Variants in ERBB4 observed in about 807,000 individuals in gnomAD.
ERBB4 encodes erb-b2 receptor tyrosine kinase 4, also known as receptor tyrosine-protein kinase erbB-4.
A neutral mutation model predicts 158.0 loss-of-function variants in ERBB4; 42 were observed. The ratio of observed to expected loss-of-function variants is 0.27; its 90% CI spans 0.21 to 0.34. ERBB4 has a LOEUF of 0.34. Ranked by LOEUF, ERBB4 falls within the 10% of genes least tolerant of loss-of-function variation. The probability of loss-of-function intolerance (pLI) is 1.00; values close to 1 mark genes in which losing one functional copy is unlikely to be tolerated. For synonymous variants in ERBB4, 583 were observed against 558.7 expected (o/e 1.04, Z -0.61); for missense variants, 1,333 against 1,624.1 (o/e 0.82, Z 3.08).
At chr2:211,590,586 C>T (rs2068430867) in intron 19 of ERBB4, among the ~76,000 whole-genome samples, 2 of 152,064 alleles carry the variant, frequency 1.3e-5, no homozygotes, top group Non-Finnish European at 1.5e-5. Flanking sequence ...ATTTCACCTT[C>T]GACCCAAACA....
chr2:211,762,091 T>A lies in ERBB4; in HGVS notation c.557-11387A>T, dbSNP rs975326443. ...GTAATAAGCAGTAATCAATGTTAGT[T>A]CCCTTTTTCTTCCATCGCAACACAT... On this transcript the variant is annotated intron_variant, in intron 4 of 27. Coordinates refer to ENST00000342788, the MANE Select transcript of ERBB4 (RefSeq NM_005235.3). Among the ~76,000 whole-genome samples, 6 of 152,210 alleles carry A rather than the reference T, an allele frequency of 3.9e-5. No homozygotes were observed. The East Asian group carries it at 1.2e-3, about 29-fold the overall frequency.
chr2:212,382,390 T>C (rs565902397), intron 1 of ERBB4, among the ~76,000 whole-genome samples: 34 of 150,908 alleles, frequency 2.3e-4, no homozygotes, highest in Non-Finnish European at 4.0e-4. Context: ...GTGAACTCTA[T>C]GTAAAAATGT....
At chr2:212,185,258 T>C (rs189590239) in intron 1 of ERBB4, among the ~76,000 whole-genome samples, 13 of 151,870 alleles carry the variant, frequency 8.6e-5, no homozygotes, top group South Asian at 2.1e-4. Context: ...CTGGCCTCAA[T>C]TGATCTGCTG....
At chr2:211,817,887 C>T (rs1172713364) in intron 3 of ERBB4, among the ~76,000 whole-genome samples, 1 of 152,160 alleles carries the variant, frequency 6.6e-6, no homozygotes, top group African/African-American at 2.4e-5. Context: ...GAATTTGGGA[C>T]CCCAACATTG....
intron 7 of ERBB4, among the ~76,000 whole-genome samples, chr2:211,718,718 A>G (rs2074001521): frequency 6.6e-6 from 1 of 151,386 alleles, no homozygotes; most frequent in African/African-American, 2.5e-5. Flanking sequence ...ACACATAAAT[A>G]TATAAAACTA....
rs189277703 is a variant in ERBB4 at position 211,380,995 on chromosome 2, C to T, written c.*2620G>A. On this transcript the variant is annotated 3_prime_UTR_variant, in exon 28 of 28. Transcript: ENST00000342788. Reference sequence around the variant, plus strand: ...ATCCAAAAAGAGGGCTGTGATGACTCGATGCAGATTTATTTAGAAAGGGAG... The same window carrying T: ...ATCCAAAAAGAGGGCTGTGATGACTTGATGCAGATTTATTTAGAAAGGGAG... 4.2e-4 allele frequency: 97 copies of T among 232,144 alleles called. No homozygotes were observed. The highest frequency in any genetic ancestry group is 1.1e-4 in the Admixed American group (2 of 17,738). 14.4% of individuals were successfully genotyped at this position (232,144 alleles called of 1,614,324 possible).
At chr2:212,014,907 C>T (rs1052148106) in intron 2 of ERBB4, among the ~76,000 whole-genome samples, 1 of 150,524 alleles carries the variant, frequency 6.6e-6, no homozygotes, top group South Asian at 2.1e-4. Flanking sequence ...AAGTATTTTT[C>T]TTCAGCCAGG....
chr2:211,800,262 G>T (rs750207821), intron 3 of ERBB4, among the ~76,000 whole-genome samples: 9 of 152,088 alleles, frequency 5.9e-5, no homozygotes, highest in Non-Finnish European at 1.3e-4. Flanking sequence ...TACTTATAAT[G>T]CAGTATTTCT....
intron 1 of ERBB4, among the ~76,000 whole-genome samples, chr2:212,534,470 C>T (rs973503742): frequency 6.6e-6 from 1 of 152,096 alleles, no homozygotes; most frequent in Non-Finnish European, 1.5e-5. Context: ...GATCTTGGAT[C>T]GATGCCTTTT....
At chr2:212,188,218 C>T in intron 1 of ERBB4, among the ~76,000 whole-genome samples, 1 of 34,742 alleles carries the variant, frequency 2.9e-5, no homozygotes. Context: ...CTCTCTCTCT[C>T]TCTCTCTCTC....
intron 20 of ERBB4, among the ~76,000 whole-genome samples, chr2:211,484,311 A>G (rs1280799105): frequency 1.3e-5 from 2 of 152,206 alleles, no homozygotes; most frequent in Admixed American, 6.5e-5. Context: ...TACACCAATG[A>G]TCACATTAAA....
At chr2:212,346,727 G>T (rs898074837) in intron 1 of ERBB4, among the ~76,000 whole-genome samples, 10 of 151,900 alleles carry the variant, frequency 6.6e-5, no homozygotes, top group African/African-American at 2.4e-4. Context: ...AACTTTTCTA[G>T]ATCTATCACA....
At chr2:211,404,644 G>C (rs1269984461) in intron 25 of ERBB4, among the ~76,000 whole-genome samples, 4 of 151,890 alleles carry the variant, frequency 2.6e-5, no homozygotes, top group Non-Finnish European at 5.9e-5. Context: ...TCTTGGTTAA[G>C]TGTTTGTTTG....
intron 20 of ERBB4, among the ~76,000 whole-genome samples, chr2:211,461,189 T>C (rs2064521018): frequency 6.6e-6 from 1 of 152,174 alleles, no homozygotes; most frequent in South Asian, 2.1e-4. Context: ...GAAAACTTCA[T>C]TACTGTATAT....
chr2:211,586,002 A>G (rs1015721173), intron 19 of ERBB4, among the ~76,000 whole-genome samples: 1 of 152,184 alleles, frequency 6.6e-6, no homozygotes, highest in Non-Finnish European at 1.5e-5. Flanking sequence ...TCCAAAGTTC[A>G]AGAAATTTAC....
intron 2 of ERBB4, among the ~76,000 whole-genome samples, chr2:212,035,570 C>T (rs1283725513): frequency 6.6e-6 from 1 of 152,210 alleles, no homozygotes; most frequent in African/African-American, 2.4e-5. Flanking sequence ...ACATTTCACT[C>T]TTCACCCATG....
intron 20 of ERBB4, among the ~76,000 whole-genome samples, chr2:211,505,510 TG>T (rs2065723280): frequency 6.9e-6 from 1 of 145,078 alleles, no homozygotes; most frequent in Non-Finnish European, 1.5e-5. Context: ...AAAAAAAACA[TG>T]TAAGTAGAAA....
chr2:211,788,166 T>C lies in ERBB4; in HGVS notation c.422-7A>G. On this transcript the variant is annotated splice_polypyrimidine_tract_variant and splice_region_variant and intron_variant, in intron 3 of 27. Transcript: ENST00000342788. The stretch of plus-strand genomic sequence containing the variant: ...ACTCCACCATTTAGGATTTCTGTAT[T>C]AAAAAACAAATAAACAAATTTTTTG... The C allele has an allele frequency of 1.2e-6, 2 of 1,609,790 alleles. No individual in the cohort carries two copies. Among genetic ancestry groups the C allele is most frequent in the South Asian group, 1.1e-5 (1 of 90,794 alleles).
chr2:212,018,139 A>T (rs1197041919), intron 2 of ERBB4, among the ~76,000 whole-genome samples: 1 of 152,168 alleles, frequency 6.6e-6, no homozygotes, highest in Non-Finnish European at 1.5e-5. Context: ...CCCAGGAAGA[A>T]TAACAAATCC....
Sources: gnomAD v4.1 joint callset for allele counts (sites outside exome capture counted in the v4.1 genomes callset) on GRCh38, gnomAD v4.1.1 for gene constraint, MANE v1.5 for transcripts, NCBI Gene and HGNC (gene_info 2026-07-23, HGNC 2026-07-21) for gene names.